Variants in ANKRD13A observed in about 807,000 individuals in gnomAD.
ANKRD13A encodes ankyrin repeat domain 13A, also known as ankyrin repeat domain-containing protein 13A.
In ANKRD13A, 48 loss-of-function variants were observed where a neutral mutation model predicts 81.3. That is an observed-to-expected ratio of 0.59 (90% CI 0.47 to 0.75). The LOEUF (loss-of-function observed/expected upper bound fraction) is 0.75. ANKRD13A is among the 30% of genes least tolerant of loss of function. The pLI is 0.00. For synonymous variants in ANKRD13A, 230 were observed against 270.1 expected (o/e 0.85, Z 1.45); for missense variants, 612 against 734.0 (o/e 0.83, Z 1.92).
At chr12:110,008,621 G>A (rs7977696) in intron 1 of ANKRD13A, among the ~76,000 whole-genome samples, 28,923 of 152,080 alleles carry the variant, frequency 0.19, 5,008 homozygotes, top group African/African-American at 0.47. Flanking sequence ...ATGGTGGCTC[G>A]TGCCTGTAAT....
Position 110,018,467 on chromosome 12 carries a change from A to G in ANKRD13A, c.523A>G (p.Ser175Gly). The G allele has an allele frequency of 6.2e-7, 1 of 1,614,202 alleles. No homozygotes were observed. Among genetic ancestry groups the G allele is most frequent in the Non-Finnish European group, 8.5e-7 (1 of 1,180,028 alleles). The change falls in exon 5 of 15, where the codon AGT becomes GGT. Residue 175 changes from serine to glycine, a missense_variant. Coordinates refer to ENST00000261739, the MANE Select transcript of ANKRD13A (RefSeq NM_033121.2). This position sits in a 1 kb window ranked among gnomAD's most constrained non-coding sequence, Gnocchi z 4.4. The part of the protein sequence containing the change: ...ENMSWIRGRR[S>G]FIFKGEDNWA... ...CATGAGCTGGATAAGAGGGAGGCGT[A>G]GTTTTATATTTAAGGGAGAAGGTGA...
intron 7 of ANKRD13A, 31 bp from the exon 8 acceptor site, chr12:110,025,711 G>A (rs747213513): frequency 6.5e-7 from 1 of 1,549,082 alleles, no homozygotes; most frequent in South Asian, 1.2e-5. Context: ...GATTCCCTGT[G>A]TCACTGTTTT....
At chr12:110,007,079 C>T (rs1890279090) in intron 1 of ANKRD13A, among the ~76,000 whole-genome samples, 2 of 152,226 alleles carry the variant, frequency 1.3e-5, no homozygotes, top group South Asian at 4.1e-4. Flanking sequence ...TATGCCAGTA[C>T]CACGTTGTCT....
intron 4 of ANKRD13A, among the ~76,000 whole-genome samples, chr12:110,016,636 G>A (rs985190403): frequency 6.6e-6 from 1 of 151,984 alleles, no homozygotes; most frequent in African/African-American, 2.4e-5. Context: ...GGTCTTCCCC[G>A]CCATGCATAG....
chr12:110,009,077 C>CTTTTA (rs1177699059), intron 1 of ANKRD13A, among the ~76,000 whole-genome samples: 6 of 152,062 alleles, frequency 3.9e-5, no homozygotes, highest in Non-Finnish European at 7.4e-5. Flanking sequence ...TCATAGTCTT[C>CTTTTA]TTTTATTTTA....
At chr12:110,022,075 C>G (rs796522876) in intron 6 of ANKRD13A, 1 of 152,008 alleles carries the variant, frequency 6.6e-6, no homozygotes, top group Non-Finnish European at 1.5e-5. Flanking sequence ...GCAAAGTTAC[C>G]AAGGGCCACA....
Position 109,999,506 on chromosome 12 carries a change from G to T in ANKRD13A, c.-183G>T, listed in dbSNP as rs1205265257. ...GGTGGGCGCGGCCGACCTGGTCCCT[G>T]AGCCGGCCGGCGACCCCGGACCTCC... On this transcript the variant is annotated 5_prime_UTR_variant, in exon 1 of 15. Transcript: ENST00000261739. This position sits in a 1 kb window ranked among gnomAD's most constrained non-coding sequence, Gnocchi z 4.3. 2 of 317,494 alleles carry T rather than the reference G, an allele frequency of 6.3e-6. No homozygotes were observed. The highest frequency in any genetic ancestry group is 1.1e-5 in the Non-Finnish European group (2 of 178,278). The allele number at this position is 317,494 out of a possible 1,614,324, so 19.7% of individuals were successfully genotyped here.
chr12:110,018,240 A>G lies in ANKRD13A; in HGVS notation c.401-105A>G. ...AGAAGTCCGTTGTTTGATGGTCACC[A>G]TCTTGCCACTCCCCTCCTTTTATTA... On this transcript the variant is annotated intron_variant, in intron 4 of 14. Coordinates refer to ENST00000261739, the MANE Select transcript of ANKRD13A (RefSeq NM_033121.2). The surrounding 1 kb of genome is among the most constrained non-coding windows in gnomAD (Gnocchi z 4.4). 2.4e-6 allele frequency: 3 copies of G among 1,244,318 alleles called. No individual in the cohort carries two copies. The South Asian group carries it at 4.7e-5, about 20-fold the overall frequency. 77.1% of individuals were successfully genotyped at this position (1,244,318 alleles called of 1,614,324 possible).
At chr12:110,030,509 T>G (rs1891620026) in intron 11 of ANKRD13A, 136 bp from the exon 12 acceptor site, 1 of 426,952 alleles carries the variant, frequency 2.3e-6, no homozygotes, top group Admixed American at 4.2e-5. Context: ...GTCTGTGTAT[T>G]GGGAAGGGTT....
In ANKRD13A at chr12:110,037,653, T is replaced by A; in HGVS notation, c.*99T>A. 4 of 1,260,588 alleles carry A rather than the reference T, an allele frequency of 3.2e-6. No homozygotes were observed. The highest frequency in any genetic ancestry group is 4.3e-6 in the Non-Finnish European group (4 of 922,104). The allele number at this position is 1,260,588 out of a possible 1,614,324, so 78.1% of individuals were successfully genotyped here. ...TAGGGCTAAGGGCCTGCACCTTGCG[T>A]GCATGCAGCAGGCAACAACTGCCCC... On this transcript the variant is annotated 3_prime_UTR_variant, in exon 15 of 15. Transcript: ENST00000261739.
At chr12:110,031,709 C>T (rs1210895147) in intron 12 of ANKRD13A, among the ~76,000 whole-genome samples, 1 of 152,082 alleles carries the variant, frequency 6.6e-6, no homozygotes, top group African/African-American at 2.4e-5. Flanking sequence ...TTTCCATATG[C>T]CCCCAAATTT....
At chr12:110,011,280 G>A (rs1276774454) in intron 1 of ANKRD13A, among the ~76,000 whole-genome samples, 6 of 152,184 alleles carry the variant, frequency 3.9e-5, no homozygotes, top group Non-Finnish European at 5.9e-5. Context: ...AAAGGGGGGC[G>A]AGAGTGGCAG....
chr12:109,999,936 C>T lies in ANKRD13A; in HGVS notation c.96+152C>T, dbSNP rs1263204996. The T allele has an allele frequency of 2.8e-5, 16 of 567,266 alleles. No individual in the cohort carries two copies. Among genetic ancestry groups the T allele is most frequent in the African/African-American group, 2.0e-4 (10 of 50,822 alleles). 35.1% of individuals were successfully genotyped at this position (567,266 alleles called of 1,614,324 possible). On this transcript the variant is annotated intron_variant, in intron 1 of 14. Transcript: ENST00000261739. The surrounding 1 kb of genome is among the most constrained non-coding windows in gnomAD (Gnocchi z 4.3). Reference sequence around the variant, plus strand: ...GTGGGACAGTCCTAATAATAGGACACGTATCGAGTGCTTACCGTGCGACGG... The same window carrying T: ...GTGGGACAGTCCTAATAATAGGACATGTATCGAGTGCTTACCGTGCGACGG...
chr12:109,999,804 T>C lies in ANKRD13A; in HGVS notation c.96+20T>C, dbSNP rs1040443727. On this transcript the variant is annotated intron_variant, in intron 1 of 14. Transcript: ENST00000261739. The surrounding 1 kb of genome is among the most constrained non-coding windows in gnomAD (Gnocchi z 4.3). The stretch of plus-strand genomic sequence containing the variant: ...GGCCAGGTGAGGGGCGGGGCGGGGG[T>C]CCGTCTCCCGGTGGGGACTTCGGGG... 4 of 1,515,946 alleles carry C rather than the reference T, an allele frequency of 2.6e-6. No homozygotes were observed. Among genetic ancestry groups the C allele is most frequent in the African/African-American group, 2.8e-5 (2 of 70,790 alleles). 93.9% of individuals were successfully genotyped at this position (1,515,946 alleles called of 1,614,324 possible). A position where few individuals can be genotyped will look rare whatever the true frequency, so the allele number is the denominator to read the frequency against.
rs781616233 is a variant in ANKRD13A at position 110,018,520 on chromosome 12, C to T, written c.544+32C>T. On this transcript the variant is annotated intron_variant, in intron 5 of 14. Transcript: ENST00000261739. The surrounding 1 kb of genome is among the most constrained non-coding windows in gnomAD (Gnocchi z 4.4). ...GACTTCTCTTGTAGTAATCACTGCT[C>T]AAGCAAAATTACAGGGTGATTTTTA... 4 of 1,598,846 alleles carry T rather than the reference C, an allele frequency of 2.5e-6. No individual in the cohort carries two copies. The highest frequency in any genetic ancestry group is 3.4e-5 in the Admixed American group (2 of 58,530).
intron 6 of ANKRD13A, chr12:110,022,185 C>G (rs961847830): frequency 6.6e-6 from 1 of 152,404 alleles, no homozygotes; most frequent in African/African-American, 2.4e-5. Context: ...CGTGCTGGCT[C>G]ACGCCTGTAA....
chr12:110,006,512 G>C (rs1463237015), intron 1 of ANKRD13A, among the ~76,000 whole-genome samples: 2 of 152,070 alleles, frequency 1.3e-5, no homozygotes, highest in Admixed American at 1.3e-4. Flanking sequence ...TATTTGACTT[G>C]TTGAGTTGTA....
chr12:109,999,461 G>A lies in ANKRD13A; in HGVS notation c.-228G>A. 1 of 244,346 alleles carries A rather than the reference G, an allele frequency of 4.1e-6. No homozygotes were observed. Among genetic ancestry groups the A allele is most frequent in the Non-Finnish European group, 7.8e-6 (1 of 128,876 alleles). The allele number at this position is 244,346 out of a possible 1,614,324, so 15.1% of individuals were successfully genotyped here. On this transcript the variant is annotated 5_prime_UTR_variant, in exon 1 of 15. Coordinates refer to ENST00000261739, the MANE Select transcript of ANKRD13A (RefSeq NM_033121.2). This position sits in a 1 kb window ranked among gnomAD's most constrained non-coding sequence, Gnocchi z 4.3. ...CTGTCCGCGAGCTGTCAGCGCGGGC[G>A]GGAACGCCGCGGGGCGCGGGGTGGG...
At chr12:110,024,224 A>G (rs1891211806) in intron 7 of ANKRD13A, 112 bp downstream of exon 7, 2 of 937,564 alleles carry the variant, frequency 2.1e-6, no homozygotes, top group African/African-American at 1.7e-5. Context: ...GCTCTGGGGA[A>G]TGAGAACTGT....
Sources: allele counts gnomAD v4.1 joint callset (sites outside exome capture counted in the v4.1 genomes callset), GRCh38; gene constraint gnomAD v4.1.1; non-coding constraint Gnocchi (gnomAD v3.1); transcripts MANE v1.5; gene names NCBI Gene and HGNC (gene_info 2026-07-23, HGNC 2026-07-21).